The following ENTR1 variants were observed in gnomAD, a reference collection of about 807,000 sequenced individuals.
ENTR1 encodes the protein endosome-associated-trafficking regulator 1.
A neutral mutation model predicts 47.9 loss-of-function variants in ENTR1; 47 were observed. The observed-to-expected ratio is 0.98, with a 90% CI of 0.78 to 1.25. ENTR1 has a LOEUF of 1.25. Ranked by LOEUF, ENTR1 falls within the 50% of genes most tolerant of loss-of-function variation. The probability of loss-of-function intolerance (pLI) is 0.00; values close to 1 mark genes in which losing one functional copy is unlikely to be tolerated. For missense variants in ENTR1, 668 were observed against 570.5 expected, an observed-to-expected ratio of 1.17 and a Z score of -1.74; for synonymous variants, 290 against 245.8, an observed-to-expected ratio of 1.18 and a Z score of -1.68.
chr9:136,404,093 G>C lies in ENTR1; in HGVS notation c.1170C>G (p.Asn390Lys). The C allele has an allele frequency of 1.2e-6, 2 of 1,613,290 alleles. No homozygotes were observed. Among genetic ancestry groups the C allele is most frequent in the Non-Finnish European group, 1.7e-6 (2 of 1,179,804 alleles). Residue 390 changes from asparagine to lysine, a missense_variant, in exon 9 of 10, where the codon AAC becomes AAG. Asn to Lys is a moderately conservative substitution (Grantham distance 94). Transcript: ENST00000357365. ...VKQNADVALQ[N>K]LRVVMNSAQA... ...GTGCACTGTTCATGACCACCCGGAG[G>C]TTCTGCAGGGCCACGTCGGCGTTCT...
At position 136,405,164 on chromosome 9, in the gene ENTR1, A is replaced by T. The variant is rs1166476207; in HGVS notation, c.932T>A (p.Ile311Asn). 6.2e-7 allele frequency: 1 copy of T among 1,613,886 alleles called. No individual in the cohort carries two copies. Residue 311 changes from isoleucine to asparagine, a missense_variant, in exon 7 of 10, where the codon ATC becomes AAC. By Grantham distance (149) the Ile-to-Asn change is moderately radical (BLOSUM62 -3). Coordinates refer to ENST00000357365, the MANE Select transcript of ENTR1 (RefSeq NM_001039707.2). ...GTCGTGGTAGTCGCTTTCCTCCTTGATCATTTTTGCTTCTAACTTCCGCTC... is the reference window on the plus strand; with the variant it reads ...GTCGTGGTAGTCGCTTTCCTCCTTGTTCATTTTTGCTTCTAACTTCCGCTC... ...TLERKLEAKM[I>N]KEESDYHDLE...
chr9:136,409,577 C>T (rs1588798829), intron 2 of ENTR1, among the ~76,000 whole-genome samples: 1 of 152,108 alleles, frequency 6.6e-6, no homozygotes, highest in Non-Finnish European at 1.5e-5. Context: ...GGTCTGAAAG[C>T]GGCTCCTCAG....
At chr9:136,404,245 T>C (rs751679866) in intron 8 of ENTR1, 51 bp from the exon 9 acceptor site, 1 of 1,552,588 alleles carries the variant, frequency 6.4e-7, no homozygotes, top group African/African-American at 1.4e-5. Context: ...GCAACCCGGC[T>C]GAAAGTCACC....
chr9:136,407,347 G>T lies in ENTR1; in HGVS notation c.617C>A (p.Ser206Ter), dbSNP rs373282483. ...THPERVPAGTSPCSTYLSFFS... is the reference protein window; with the variant it reads ...THPERVPAGT ...AAAGGAAAGGTATGTGCTGCAGGGC[G>T]ACGTGCCGGCAGGGACCCTCTCGGG... The change falls in exon 5 of 10, where the codon TCG becomes TAG. Residue 206 changes from serine to a stop codon, truncating the protein, a stop_gained. Coordinates refer to ENST00000357365, the MANE Select transcript of ENTR1 (RefSeq NM_001039707.2). LOFTEE classifies it high-confidence loss of function. 1.2e-6 allele frequency: 2 copies of T among 1,607,914 alleles called. No individual in the cohort carries two copies. Among genetic ancestry groups the T allele is most frequent in the Non-Finnish European group, 1.7e-6 (2 of 1,178,062 alleles).
chr9:136,404,850 C>T (rs545859898), intron 7 of ENTR1, 157 bp from the exon 8 acceptor site: 1 of 744,412 alleles, frequency 1.3e-6, no homozygotes, highest in Non-Finnish European at 2.2e-6. Context: ...ACTCTCAGAC[C>T]ACCCCTGGGA....
Position 136,409,049 on chromosome 9 carries a change from C to T in ENTR1, c.239G>A (p.Gly80Glu). The T allele has an allele frequency of 3.1e-6, 5 of 1,613,952 alleles. No homozygotes were observed. The highest frequency in any genetic ancestry group is 4.2e-6 in the Non-Finnish European group (5 of 1,179,968). ...VGDTDFGYGK[G>E]KCSKQSPSGA... ...TGACGGGCTCTGCTTAGAACATTTC[C>T]CCTTTCCATAGCCAAAATCTGCAAA... Residue 80 changes from glycine to glutamate, a missense_variant, in exon 3 of 10, where the codon GGG becomes GAG. Coordinates refer to ENST00000357365, the MANE Select transcript of ENTR1 (RefSeq NM_001039707.2).
chr9:136,407,512 T>TGGGAGGGTGG lies in ENTR1; in HGVS notation c.442_451dup (p.Gln151ProfsTer25), dbSNP rs1285064913. ...ATACTCCAGGCCATACCCGCCGGTT[T>TGGGAGGGTGG]GGGAGGGTGGGGAGTTGTGGTCAAG... On this transcript the variant is annotated frameshift_variant, in exon 5 of 10. Coordinates refer to ENST00000357365, the MANE Select transcript of ENTR1 (RefSeq NM_001039707.2). LOFTEE classifies it high-confidence loss of function. 1.2e-6 allele frequency: 2 copies of TGGGAGGGTGG among 1,605,700 alleles called. No homozygotes were observed. The highest frequency in any genetic ancestry group is 4.5e-5 in the East Asian group (2 of 44,684).
intron 6 of ENTR1, 91 bp from the exon 7 acceptor site, chr9:136,405,293 AAG>A: frequency 9.8e-7 from 1 of 1,019,554 alleles, no homozygotes; most frequent in South Asian, 1.3e-5. Context: ...AAAACCCGCT[AAG>A]AGCCTGTGAT....
In ENTR1 at chr9:136,402,642, G is replaced by A; in HGVS notation, c.*146C>T. The A allele has an allele frequency of 1.8e-6, 1 of 564,372 alleles. No homozygotes were observed. The highest frequency in any genetic ancestry group is 3.1e-5 in the East Asian group (1 of 32,548). 35.0% of individuals were successfully genotyped at this position (564,372 alleles called of 1,614,324 possible). A position where few individuals can be genotyped will look rare whatever the true frequency, so the allele number is the denominator to read the frequency against. On this transcript the variant is annotated 3_prime_UTR_variant, in exon 10 of 10. Transcript: ENST00000357365. ...CTCCCATTGTGGTGGCCAAGAACTG[G>A]CTGAGGGCACGACACTGGACTCTTG...
rs142278169 is a variant in ENTR1 at position 136,402,536 on chromosome 9, G to A, written c.*252C>T. The A allele has an allele frequency of 1.0e-3, 380 of 370,420 alleles. No homozygotes were observed. Among genetic ancestry groups the A allele is most frequent in the African/African-American group, 6.7e-3 (321 of 48,152 alleles). 22.9% of individuals were successfully genotyped at this position (370,420 alleles called of 1,614,324 possible). On this transcript the variant is annotated 3_prime_UTR_variant, in exon 10 of 10. Coordinates refer to ENST00000357365, the MANE Select transcript of ENTR1 (RefSeq NM_001039707.2). Reference sequence around the variant, plus strand: ...GCTTTTATGACAATGTCTTCCAAGAGCTCATTAGAATCTATAAGATCGCAG... The same window carrying A: ...GCTTTTATGACAATGTCTTCCAAGAACTCATTAGAATCTATAAGATCGCAG...
chr9:136,406,488 T>C (rs1007637329), intron 5 of ENTR1, among the ~76,000 whole-genome samples: 1 of 151,706 alleles, frequency 6.6e-6, no homozygotes, highest in Non-Finnish European at 1.5e-5. Context: ...ATAATTTTTC[T>C]TTTTTTTGAA....
intron 3 of ENTR1, 52 bp downstream of exon 3, chr9:136,408,947 C>T (rs1432924225): frequency 2.7e-5 from 41 of 1,493,876 alleles, no homozygotes; most frequent in Non-Finnish European, 3.8e-5. Context: ...AGACACGTGC[C>T]TGGCACTGTG....
At chr9:136,404,773 G>C (rs779942430) in intron 7 of ENTR1, 80 bp from the exon 8 acceptor site, 266 of 1,456,178 alleles carry the variant, frequency 1.8e-4, no homozygotes, top group Non-Finnish European at 2.3e-4. Context: ...CCAACCCAGG[G>C]AGCAGGAGGG....
intron 7 of ENTR1, 177 bp from the exon 8 acceptor site, chr9:136,404,870 C>T (rs564430766): frequency 1.5e-5 from 10 of 685,504 alleles, no homozygotes; most frequent in South Asian, 5.4e-5. Context: ...AAGGGCTCAT[C>T]GTGCAGTGTC....
In ENTR1 at chr9:136,405,888, A is replaced by G; in HGVS notation, c.893+17T>C. On this transcript the variant is annotated intron_variant, in intron 6 of 9. Coordinates refer to ENST00000357365, the MANE Select transcript of ENTR1 (RefSeq NM_001039707.2). The stretch of plus-strand genomic sequence containing the variant: ...TTAGATGTTGTGGATTGCATTCCTA[A>G]CTAAAAGCTTACATACATTTCTGTT... The G allele has an allele frequency of 6.5e-7, 1 of 1,533,038 alleles. No individual in the cohort carries two copies. Among genetic ancestry groups the G allele is most frequent in the Non-Finnish European group, 8.9e-7 (1 of 1,124,126 alleles). 95.0% of individuals were successfully genotyped at this position (1,533,038 alleles called of 1,614,324 possible).
chr9:136,410,457 G>A lies in ENTR1; in HGVS notation c.-60C>T. 1 of 1,058,096 alleles carries A rather than the reference G, an allele frequency of 9.5e-7. No homozygotes were observed. The highest frequency in any genetic ancestry group is 5.4e-5 in the Admixed American group (1 of 18,678). 65.5% of individuals were successfully genotyped at this position (1,058,096 alleles called of 1,614,324 possible). ...CCGGCAGCGGCGGCTCCATGGCCCC[G>A]GCTCCGCCCGTGCCGCGGCCCGCGT... is the stretch of plus-strand genomic sequence containing the variant. On this transcript the variant is annotated 5_prime_UTR_variant, in exon 1 of 10. Transcript: ENST00000357365.
intron 3 of ENTR1, among the ~76,000 whole-genome samples, chr9:136,408,486 G>A (rs1475065420): frequency 6.6e-6 from 1 of 152,026 alleles, no homozygotes; most frequent in East Asian, 1.9e-4. Context: ...GCTGAGGCAG[G>A]AGAATGGCGT....
chr9:136,402,711 A>G lies in ENTR1; in HGVS notation c.*77T>C. The G allele has an allele frequency of 3.1e-6, 3 of 966,340 alleles. No homozygotes were observed. The highest frequency in any genetic ancestry group is 4.9e-6 in the Non-Finnish European group (3 of 607,242). 59.9% of individuals were successfully genotyped at this position (966,340 alleles called of 1,614,324 possible). On this transcript the variant is annotated 3_prime_UTR_variant, in exon 10 of 10. Transcript: ENST00000357365. ...GGGTGAAGACTGCATATTTAAGGACACAACTGCACATTTAGATCGAGCGGT... is the reference window on the plus strand; with the variant it reads ...GGGTGAAGACTGCATATTTAAGGACGCAACTGCACATTTAGATCGAGCGGT...
At chr9:136,405,376 G>A (rs762233439) in intron 6 of ENTR1, 174 bp from the exon 7 acceptor site, 14 of 586,126 alleles carry the variant, frequency 2.4e-5, no homozygotes, top group South Asian at 9.7e-5. Context: ...CCAGGCAGGC[G>A]TGCAGGGAGC....
Sources: gnomAD v4.1 joint callset for allele counts (sites outside exome capture counted in the v4.1 genomes callset) on GRCh38, gnomAD v4.1.1 for gene constraint, MANE v1.5 for transcripts, NCBI Gene and HGNC (gene_info 2026-07-23, HGNC 2026-07-21) for gene names.